Variants in SLIT2 observed in about 807,000 individuals in gnomAD.
SLIT2 encodes the protein slit guidance ligand 2.
In SLIT2, 41 loss-of-function variants were observed where a neutral mutation model predicts 185.7. That is an observed-to-expected ratio of 0.22 (90% CI 0.17 to 0.29). The LOEUF (loss-of-function observed/expected upper bound fraction) is 0.29, where lower values mean the gene tolerates loss of function less well. Ranked by LOEUF, SLIT2 falls within the 10% of genes least tolerant of loss-of-function variation. The pLI, the probability that SLIT2 is intolerant of heterozygous loss-of-function variation, is 1.00. For synonymous variants in SLIT2, 693 were observed against 680.2 expected (o/e 1.02, Z -0.29); for missense variants, 1,571 against 1,909.0 (o/e 0.82, Z 3.30).
chr4:20,402,804 TTAC>T (rs1726465226), intron 4 of SLIT2, among the ~76,000 whole-genome samples: 1 of 151,816 alleles, frequency 6.6e-6, no homozygotes, highest in African/African-American at 2.4e-5. Context: ...ATAAAGAATT[TTAC>T]TTTTTTAGTA....
At chr4:20,402,096 C>A (rs1211958686) in intron 4 of SLIT2, among the ~76,000 whole-genome samples, 3 of 151,674 alleles carry the variant, frequency 2.0e-5, no homozygotes, top group African/African-American at 7.3e-5. Flanking sequence ...AACAGGTATC[C>A]TAAAGGTAAC....
In SLIT2 at chr4:20,528,198, T is replaced by C; in HGVS notation, c.1463-751T>C. 1.9e-6 allele frequency: 1 copy of C among 525,908 alleles called. No individual in the cohort carries two copies. The highest frequency in any genetic ancestry group is 2.0e-5 in the Admixed American group (1 of 50,310). The allele number at this position is 525,908 out of a possible 1,614,324, so 32.6% of individuals were successfully genotyped here. ...CATGTCATGTAAACAGTATTACGTT[T>C]CCAGAACGTCTGTAGCTTTTCTCCT... On this transcript the variant is annotated intron_variant, in intron 15 of 36. Coordinates refer to ENST00000504154, the MANE Select transcript of SLIT2 (RefSeq NM_004787.4). The surrounding 1 kb of genome is among the most constrained non-coding windows in gnomAD (Gnocchi z 4.2).
At chr4:20,283,209 G>A (rs1188936295) in intron 4 of SLIT2, among the ~76,000 whole-genome samples, 9 of 151,980 alleles carry the variant, frequency 5.9e-5, no homozygotes, top group African/African-American at 1.7e-4. Flanking sequence ...TCTCTTCCCT[G>A]CCTCAGCCAA....
intron 4 of SLIT2, chr4:20,364,240 A>T: frequency 1.0e-6 from 1 of 984,372 alleles, no homozygotes; most frequent in Non-Finnish European, 1.2e-6. Context: ...TAATGCATCC[A>T]CAAAGACAGC....
At chr4:20,471,706 G>T (rs1361475870) in intron 5 of SLIT2, among the ~76,000 whole-genome samples, 3 of 152,152 alleles carry the variant, frequency 2.0e-5, no homozygotes, top group South Asian at 2.1e-4. Context: ...CTTTAATCTT[G>T]TGGATTGGCT....
rs1726793674 is a variant in SLIT2, at chr4:20,583,678, G to A, written c.3089-5966G>A. 3.3e-5 allele frequency among the ~76,000 whole-genome samples: 5 copies of A among 151,936 alleles called. No individual in the cohort carries two copies. In the South Asian group the frequency reaches 1.0e-3, roughly 32 times the overall value. On this transcript the variant is annotated intron_variant, in intron 29 of 36. Transcript: ENST00000504154. ...ACAAAATTTAGCTGGGCATGGTGGTGCGCACCTGTAGTCCCAGCTACTGGG... is the reference window on the plus strand; with the variant it reads ...ACAAAATTTAGCTGGGCATGGTGGTACGCACCTGTAGTCCCAGCTACTGGG...
Position 20,577,450 on chromosome 4 carries a change from C to T in SLIT2, c.3088+8446C>T, listed in dbSNP as rs572611101. Among the ~76,000 whole-genome samples the T allele has an allele frequency of 2.0e-5, 3 of 152,176 alleles. No individual in the cohort carries two copies. In the East Asian group the frequency reaches 5.8e-4, roughly 29 times the overall value. Reference sequence around the variant, plus strand: ...ACAGGGTTTCTCTATGGCAGCATTCCGATTATGTACGTGTCCCATTTTGCA... The same window carrying T: ...ACAGGGTTTCTCTATGGCAGCATTCTGATTATGTACGTGTCCCATTTTGCA... On this transcript the variant is annotated intron_variant, in intron 29 of 36. Coordinates refer to ENST00000504154, the MANE Select transcript of SLIT2 (RefSeq NM_004787.4).
At position 20,449,154 on chromosome 4, in the gene SLIT2, A is replaced by G. The variant is rs1366301349; in HGVS notation, c.396-18598A>G. On this transcript the variant is annotated intron_variant, in intron 4 of 36. Coordinates refer to ENST00000504154, the MANE Select transcript of SLIT2 (RefSeq NM_004787.4). The stretch of plus-strand genomic sequence containing the variant: ...AATTAAATCAATTGTTTTCAATTAA[A>G]GTGATTAATTTTACTATGAAAAGAG... 3.3e-5 allele frequency among the ~76,000 whole-genome samples: 5 copies of G among 152,308 alleles called. No homozygotes were observed. The East Asian group carries it at 5.8e-4, about 18-fold the overall frequency.
intron 29 of SLIT2, among the ~76,000 whole-genome samples, chr4:20,577,473 G>C (rs949433734): frequency 6.6e-6 from 1 of 152,122 alleles, no homozygotes; most frequent in African/African-American, 2.4e-5. Flanking sequence ...GTCCCATTTT[G>C]CACCTATTGC....
intron 26 of SLIT2, among the ~76,000 whole-genome samples, chr4:20,559,593 A>G (rs191883824): frequency 2.2e-4 from 33 of 152,090 alleles, no homozygotes; most frequent in African/African-American, 6.8e-4. Flanking sequence ...GCTAAGTTCT[A>G]TTGAATAGTT....
At chr4:20,352,955 G>A (rs1320521141) in intron 4 of SLIT2, among the ~76,000 whole-genome samples, 1 of 152,102 alleles carries the variant, frequency 6.6e-6, no homozygotes, top group African/African-American at 2.4e-5. Context: ...CAAATTTGCA[G>A]TAAAACAGAA....
intron 9 of SLIT2, among the ~76,000 whole-genome samples, chr4:20,496,470 T>G (rs559857504): frequency 5.8e-4 from 88 of 152,284 alleles, no homozygotes; most frequent in African/African-American, 2.1e-3. Flanking sequence ...TTAAATAAAA[T>G]AGTAAAACTA....
chr4:20,524,138 A>G lies in SLIT2; in HGVS notation c.1399A>G (p.Arg467Gly), dbSNP rs766106111. Residue 467 changes from arginine to glycine, a missense_variant, in exon 14 of 37, where the codon AGA becomes GGA. Arg to Gly is a moderately radical substitution (Grantham distance 125). This residue lies in a region of SLIT2 where 1,202 missense variants were observed against 1,416.4 expected (regional missense o/e 0.85). Coordinates refer to ENST00000504154, the MANE Select transcript of SLIT2 (RefSeq NM_004787.4). ...CAGCCCCCGCCGCCTGGCAAACAAA[A>G]GAATTGGACAGATCAAAAGCAAGAA... ...CTSPRRLANK[R>G]IGQIKSKKFR... 1.2e-6 allele frequency: 2 copies of G among 1,614,218 alleles called. No homozygotes were observed. The highest frequency in any genetic ancestry group is 1.7e-6 in the Non-Finnish European group (2 of 1,180,050).
chr4:20,305,923 T>G (rs944423998), intron 4 of SLIT2, among the ~76,000 whole-genome samples: 1 of 136,956 alleles, frequency 7.3e-6, no homozygotes, highest in Non-Finnish European at 1.6e-5. Flanking sequence ...ATAATAATAA[T>G]CCTAAAGAAG....
Position 20,519,373 on chromosome 4 carries a change from T to A in SLIT2, c.1059-9T>A. On this transcript the variant is annotated splice_polypyrimidine_tract_variant and intron_variant, in intron 11 of 36. Coordinates refer to ENST00000504154, the MANE Select transcript of SLIT2 (RefSeq NM_004787.4). ...GTCTAATTTTTTTCATTTAAAATAT[T>A]TTTTTCAGTGTCCTCTATGGAAATA... 1 of 1,477,910 alleles carries A rather than the reference T, an allele frequency of 6.8e-7. No individual in the cohort carries two copies. Among genetic ancestry groups the A allele is most frequent in the Non-Finnish European group, 9.4e-7 (1 of 1,060,206 alleles). The allele number at this position is 1,477,910 out of a possible 1,614,324, so 91.5% of individuals were successfully genotyped here. A position where few individuals can be genotyped will look rare whatever the true frequency, so the allele number is the denominator to read the frequency against.
intron 5 of SLIT2, 29 bp from the exon 6 acceptor site, chr4:20,480,687 T>C (rs1272479367): frequency 1.3e-6 from 2 of 1,566,484 alleles, no homozygotes; most frequent in Middle Eastern, 1.7e-4. Context: ...CCATCCCTTC[T>C]ACATATATTC....
rs901322622 is a variant in SLIT2 at position 20,492,005 on chromosome 4, C to T, written c.914+106C>T. ...ATCGAAGGCACATCTGATCAATTGGCTTAGACAAATGTTCTCTTCAGAAAT... is the reference window on the plus strand; with the variant it reads ...ATCGAAGGCACATCTGATCAATTGGTTTAGACAAATGTTCTCTTCAGAAAT... On this transcript the variant is annotated intron_variant, in intron 9 of 36. Transcript: ENST00000504154. 5 of 1,055,466 alleles carry T rather than the reference C, an allele frequency of 4.7e-6. No homozygotes were observed. The Admixed American group carries it at 1.1e-4, about 24-fold the overall frequency. 65.4% of individuals were successfully genotyped at this position (1,055,466 alleles called of 1,614,324 possible). A position where few individuals can be genotyped will look rare whatever the true frequency, so the allele number is the denominator to read the frequency against.
intron 10 of SLIT2, among the ~76,000 whole-genome samples, chr4:20,510,777 A>C (rs568150182): frequency 2.6e-5 from 4 of 152,368 alleles, no homozygotes; most frequent in Non-Finnish European, 5.9e-5. Flanking sequence ...ATATTGATTC[A>C]TACAAATGTG....
intron 11 of SLIT2, among the ~76,000 whole-genome samples, chr4:20,515,534 G>A (rs1720118733): frequency 6.6e-6 from 1 of 152,112 alleles, no homozygotes; most frequent in African/African-American, 2.4e-5. Flanking sequence ...CTAAACTGCT[G>A]TTAACTCTCC....
Sources: gnomAD v4.1 joint callset for allele counts (sites outside exome capture counted in the v4.1 genomes callset) on GRCh38, gnomAD v4.1.1 for gene constraint, gnomAD v4.1.1 regional missense constraint, Gnocchi (gnomAD v3.1) non-coding constraint, MANE v1.5 for transcripts, NCBI Gene and HGNC (gene_info 2026-07-23, HGNC 2026-07-21) for gene names.